CETP: variants seen among roughly 807,000 people sequenced by gnomAD.
The protein encoded by CETP is cholesteryl ester transfer protein.
A neutral mutation model predicts 66.5 loss-of-function variants in CETP; 56 were observed. The ratio of observed to expected loss-of-function variants is 0.84; its 90% CI spans 0.68 to 1.05. CETP has a LOEUF of 1.05. Ranked by LOEUF, CETP falls within the 50% of genes least tolerant of loss-of-function variation. CETP has a pLI of 0.00. For missense variants in CETP, 612 were observed against 609.6 expected, an observed-to-expected ratio of 1.00 and a Z score of -0.04; for synonymous variants, 251 against 245.7, an observed-to-expected ratio of 1.02 and a Z score of -0.20.
chr16:56,973,513 G>A lies in CETP; in HGVS notation c.930+3G>A, dbSNP rs1371188374. ...GCCTGATGGGAGACGAGTTCAAGGT[G>A]AGTGGGTGGGGCTGGGCTGCTAGGG... On this transcript the variant is annotated splice_donor_region_variant and intron_variant, in intron 9 of 15. Transcript: ENST00000200676. 1.2e-6 allele frequency: 2 copies of A among 1,613,986 alleles called. No homozygotes were observed. The highest frequency in any genetic ancestry group is 1.1e-5 in the South Asian group (1 of 91,080).
intron 2 of CETP, among the ~76,000 whole-genome samples, chr16:56,967,162 A>G (rs1342765280): frequency 6.7e-6 from 1 of 149,398 alleles, no homozygotes; most frequent in Non-Finnish European, 1.5e-5. Flanking sequence ...AGCCTGGCCA[A>G]CATGGTGAAA....
chr16:56,983,236 C>T, intron 14 of CETP, 90 bp from the exon 15 acceptor site: 1 of 990,658 alleles, frequency 1.0e-6, no homozygotes, highest in South Asian at 1.3e-5. Context: ...CCAAAAGGGT[C>T]TCAGCATCTC....
chr16:56,964,116 TC>T, intron 2 of CETP, among the ~76,000 whole-genome samples: 1 of 151,954 alleles, frequency 6.6e-6, no homozygotes, highest in South Asian at 2.1e-4. Flanking sequence ...AACCTCCACC[TC>T]CCGGGTTCAA....
chr16:56,975,236 C>A, intron 10 of CETP, 85 bp downstream of exon 10: 1 of 1,149,506 alleles, frequency 8.7e-7, no homozygotes, highest in Non-Finnish European at 1.3e-6. Flanking sequence ...CAGCCAATAA[C>A]ACCACCAATG....
rs201790757 is a variant in CETP at position 56,963,113 on chromosome 16, T to G, written c.222T>G (p.Tyr74Ter). The G allele has an allele frequency of 9.9e-6, 16 of 1,613,358 alleles. No individual in the cohort carries two copies. Among genetic ancestry groups the G allele is most frequent in the Middle Eastern group, 1.6e-4 (1 of 6,080 alleles). ...TGATGCTCCTTGGCCAAGTCAAGTA[T>G]GGGTTGCACAAGTGAGTCGGGCCTC... ...KAMMLLGQVK[Y>*]GLHNIQISHL... The change falls in exon 2 of 16, where the codon TAT becomes TAG. Residue 74 changes from tyrosine to a stop codon, truncating the protein, a stop_gained. Coordinates refer to ENST00000200676, the MANE Select transcript of CETP (RefSeq NM_000078.3). LOFTEE classifies it high-confidence loss of function.
Position 56,983,690 on chromosome 16 carries a change from G to A in CETP, c.*24G>A. 2 of 1,609,892 alleles carry A rather than the reference G, an allele frequency of 1.2e-6. No individual in the cohort carries two copies. Among genetic ancestry groups the A allele is most frequent in the East Asian group, 4.5e-5 (2 of 44,856 alleles). ...AGAAGTCTCCAAGGAGGTCGGGATG[G>A]GGCTTGTAGCAGAAGGCAAGCACCA... On this transcript the variant is annotated 3_prime_UTR_variant, in exon 16 of 16. Coordinates refer to ENST00000200676, the MANE Select transcript of CETP (RefSeq NM_000078.3).
At chr16:56,970,964 G>C in intron 5 of CETP, 69 bp from the exon 6 acceptor site, 1 of 1,448,342 alleles carries the variant, frequency 6.9e-7, no homozygotes. Flanking sequence ...ACGGTGCCTG[G>C]TACACACTAG....
At chr16:56,962,726 C>T (rs2056032883) in intron 1 of CETP, among the ~76,000 whole-genome samples, 3 of 128,500 alleles carry the variant, frequency 2.3e-5, no homozygotes, top group Non-Finnish European at 5.5e-5. Context: ...CGGCTGGGCT[C>T]AGGGCTGCCC....
intron 10 of CETP, 123 bp downstream of exon 10, chr16:56,975,274 C>T (rs945970541): frequency 2.4e-6 from 2 of 835,454 alleles, no homozygotes; most frequent in African/African-American, 1.7e-5. Context: ...GAACACAGCT[C>T]CTACTCGGTT....
At position 56,969,502 on chromosome 16, in the gene CETP, G is replaced by C. The variant is rs2141996939; in HGVS notation, c.350G>C (p.Gly117Ala). 6.2e-7 allele frequency: 1 copy of C among 1,614,208 alleles called. No individual in the cohort carries two copies. Among genetic ancestry groups the C allele is most frequent in the Non-Finnish European group, 8.5e-7 (1 of 1,180,040 alleles). ...GTCTTCAAGGGGACCCTGAAGTATG[G>C]CTACACCACTGCCTGGTGGTAAGCA... ...SVVFKGTLKYGYTTAWWLGID... is the reference protein window; with the variant it reads ...SVVFKGTLKYAYTTAWWLGID... The change falls in exon 3 of 16, where the codon GGC becomes GCC. Residue 117 changes from glycine (G) to alanine (A), a missense_variant. Coordinates refer to ENST00000200676, the MANE Select transcript of CETP (RefSeq NM_000078.3).
At chr16:56,965,303 C>T (rs777081064) in intron 2 of CETP, among the ~76,000 whole-genome samples, 5 of 152,230 alleles carry the variant, frequency 3.3e-5, no homozygotes, top group South Asian at 2.1e-4. Context: ...TATGATTGGC[C>T]ATAACTATGA....
At chr16:56,969,235 T>C in intron 2 of CETP, 151 bp from the exon 3 acceptor site, 1 of 1,010,414 alleles carries the variant, frequency 9.9e-7, no homozygotes, top group South Asian at 1.3e-5. Context: ...TTTGACATGT[T>C]GGGTAACATA....
At chr16:56,971,826 AAG>A (rs2056112489) in intron 7 of CETP, among the ~76,000 whole-genome samples, 164 bp from the exon 8 acceptor site, 1 of 152,112 alleles carries the variant, frequency 6.6e-6, no homozygotes, top group Non-Finnish European at 1.5e-5. Flanking sequence ...GACTTGGGAA[AAG>A]AGAGAATGAA....
intron 1 of CETP, 59 bp downstream of exon 1, chr16:56,962,156 C>A: frequency 7.0e-7 from 1 of 1,419,358 alleles, no homozygotes; most frequent in Non-Finnish European, 9.9e-7. Flanking sequence ...ACCCACTATG[C>A]CAGGAGCCTC....
At chr16:56,962,824 T>G (rs1265641570) in intron 1 of CETP, among the ~76,000 whole-genome samples, 186 bp from the exon 2 acceptor site, 1 of 152,060 alleles carries the variant, frequency 6.6e-6, no homozygotes, top group Non-Finnish European at 1.5e-5. Flanking sequence ...GGGTCAGAGC[T>G]CTCTGTGTCC....
At position 56,978,091 on chromosome 16, in the gene CETP, G is replaced by A. The variant is rs747624896; in HGVS notation, c.982G>A (p.Val328Ile). The change falls in exon 11 of 16, where the codon GTT (valine) becomes ATT (isoleucine). Residue 328 changes from valine (V) to isoleucine (I), a missense_variant and splice_region_variant. Transcript: ENST00000200676. The part of the protein sequence containing the change: ...FNTNQEIFQE[V>I]VGGFPSQAQV... ...GCCATGGGACCCCTGTCTTCCACAG[G>A]TTGTCGGCGGCTTCCCCAGCCAGGC... is the stretch of plus-strand genomic sequence containing the variant. The A allele has an allele frequency of 1.9e-6, 3 of 1,613,992 alleles. No individual in the cohort carries two copies. In the African/African-American group the frequency reaches 4.0e-5, roughly 22 times the overall value.
At chr16:56,962,877 C>T in intron 1 of CETP, 133 bp from the exon 2 acceptor site, 1 of 759,558 alleles carries the variant, frequency 1.3e-6, no homozygotes, top group Non-Finnish European at 2.3e-6. Context: ...GAGGCCCAGT[C>T]CAACCCCTCA....
intron 2 of CETP, among the ~76,000 whole-genome samples, chr16:56,963,975 C>G (rs1305674759): frequency 6.7e-6 from 1 of 148,460 alleles, no homozygotes; most frequent in Non-Finnish European, 1.5e-5. Flanking sequence ...GGCCCTTTAT[C>G]TATCTTAATC....
At position 56,969,521 on chromosome 16, in the gene CETP, G is replaced by A; in HGVS notation, c.368+1G>A. The A allele has an allele frequency of 6.2e-7, 1 of 1,614,218 alleles. No individual in the cohort carries two copies. Among genetic ancestry groups the A allele is most frequent in the Middle Eastern group, 1.6e-4 (1 of 6,062 alleles). ...AGTATGGCTACACCACTGCCTGGTGGTAAGCATTCCTGTCAGCTGATGCCC... is the reference window on the plus strand; with the variant it reads ...AGTATGGCTACACCACTGCCTGGTGATAAGCATTCCTGTCAGCTGATGCCC... On this transcript the variant is annotated splice_donor_variant, in intron 3 of 15. Coordinates refer to ENST00000200676, the MANE Select transcript of CETP (RefSeq NM_000078.3). LOFTEE classifies it high-confidence loss of function.
Sources: gnomAD v4.1 joint callset for allele counts (sites outside exome capture counted in the v4.1 genomes callset) on GRCh38, gnomAD v4.1.1 for gene constraint, MANE v1.5 for transcripts, NCBI Gene and HGNC (gene_info 2026-07-23, HGNC 2026-07-21) for gene names.